The following PCDHGA5 variants were observed in gnomAD, a reference collection of about 807,000 sequenced individuals.
The protein encoded by PCDHGA5 is protocadherin gamma-A5.
Under a neutral mutation model 56.7 loss-of-function variants are expected in PCDHGA5, and 36 were observed. That is an observed-to-expected ratio of 0.64 (90% CI 0.49 to 0.84). PCDHGA5 has a LOEUF of 0.84. PCDHGA5 is among the 40% of genes least tolerant of loss of function. The pLI is 0.00. For missense variants in PCDHGA5, 1,305 were observed against 1,201.5 expected (o/e 1.09, Z -1.27); for synonymous variants, 563 against 520.2 (o/e 1.08, Z -1.12).
At chr5:141,376,259 C>T (rs2150078832) in intron 1 of PCDHGA5, 1 of 1,614,236 alleles carries the variant, frequency 6.2e-7, no homozygotes, top group African/African-American at 1.3e-5. Context: ...ACGCCTGCTG[C>T]AGGCTTCGGG....
rs372466798 is a variant in PCDHGA5 at position 141,413,407 on chromosome 5, C to T, written c.2421+46656C>T. On this transcript the variant is annotated intron_variant, in intron 1 of 3. Transcript: ENST00000518069. ...CATAGTCTCCAGAGGTAGGACGCAG[C>T]TTTTCTCTCTGAACCCGCGCAGCGG... The T allele has an allele frequency of 6.2e-7, 1 of 1,614,044 alleles. No individual in the cohort carries two copies. The highest frequency in any genetic ancestry group is 8.5e-7 in the Non-Finnish European group (1 of 1,179,938).
intron 1 of PCDHGA5, chr5:141,371,519 T>C (rs1767815270): frequency 3.1e-6 from 5 of 1,613,838 alleles, no homozygotes; most frequent in Middle Eastern, 1.6e-4. Context: ...ATGATCTAGA[T>C]TCTGGATTTA....
intron 1 of PCDHGA5, chr5:141,392,827 A>G: frequency 2.5e-6 from 4 of 1,601,944 alleles, no homozygotes; most frequent in Non-Finnish European, 3.4e-6. Flanking sequence ...GCCGCTCCAC[A>G]GAGTCGCCCC....
intron 1 of PCDHGA5, chr5:141,394,190 G>T (rs1370592594): frequency 1.2e-6 from 2 of 1,613,684 alleles, no homozygotes; most frequent in Non-Finnish European, 1.7e-6. Flanking sequence ...CCTACTCAGC[G>T]TATATCCTAG....
intron 1 of PCDHGA5, chr5:141,372,877 A>G: frequency 1.6e-6 from 2 of 1,270,298 alleles, no homozygotes; most frequent in Non-Finnish European, 2.1e-6. Flanking sequence ...TAGAGATAAA[A>G]AGAATACAGA....
intron 1 of PCDHGA5, among the ~76,000 whole-genome samples, chr5:141,381,833 T>C (rs1385600494): frequency 7.2e-5 from 10 of 138,622 alleles, no homozygotes; most frequent in African/African-American, 2.5e-4. Context: ...CTTCTTTTTT[T>C]TTTTTTTTTT....
intron 1 of PCDHGA5, chr5:141,395,077 A>T: frequency 6.2e-7 from 1 of 1,614,142 alleles, no homozygotes; most frequent in Non-Finnish European, 8.5e-7. Flanking sequence ...ACCTATTCCC[A>T]GGAAGTCTCC....
At chr5:141,483,648 TTGTGTGTGTG>T (rs111458813) in intron 1 of PCDHGA5, among the ~76,000 whole-genome samples, 35 of 149,708 alleles carry the variant, frequency 2.3e-4, no homozygotes, top group Non-Finnish European at 4.6e-4. Flanking sequence ...GGGTGTGTGT[TTGTGTGTGTG>T]TGTGTGTGTG....
chr5:141,413,809 C>G, intron 1 of PCDHGA5: 1 of 1,613,188 alleles, frequency 6.2e-7, no homozygotes. Flanking sequence ...AGAGGCCATT[C>G]ACCACCTGGT....
At chr5:141,469,081 A>C (rs1451214440) in intron 1 of PCDHGA5, among the ~76,000 whole-genome samples, 1 of 151,790 alleles carries the variant, frequency 6.6e-6, no homozygotes, top group Non-Finnish European at 1.5e-5. Context: ...GTTTGAGACC[A>C]TTCTAGGCAA....
intron 1 of PCDHGA5, among the ~76,000 whole-genome samples, chr5:141,368,602 G>T (rs992972372): frequency 1.3e-5 from 2 of 152,100 alleles, no homozygotes; most frequent in African/African-American, 4.8e-5. Context: ...AAAAGTAAAG[G>T]TTATAGATTT....
chr5:141,473,850 G>A (rs1490458424), intron 1 of PCDHGA5, among the ~76,000 whole-genome samples: 1 of 152,184 alleles, frequency 6.6e-6, no homozygotes, highest in African/African-American at 2.4e-5. Flanking sequence ...TTAGGAAGAT[G>A]AACCTCGCTA....
In PCDHGA5 at chr5:141,394,836, T is replaced by G. The variant is rs116789057; in HGVS notation, c.2421+28085T>G. On this transcript the variant is annotated intron_variant, in intron 1 of 3. Transcript: ENST00000518069. Reference sequence around the variant, plus strand: ...CAGCATCCCCGAAGTCCTGACCGAGTTGGGCAGTCTGAAGCCTTCGGTCGA... The same window carrying G: ...CAGCATCCCCGAAGTCCTGACCGAGGTGGGCAGTCTGAAGCCTTCGGTCGA... 1,507 of 1,613,748 alleles carry G rather than the reference T, an allele frequency of 9.3e-4. 9 individuals carry two copies. The African/African-American group carries it at 0.016, about 17-fold the overall frequency.
chr5:141,365,446 T>C lies in PCDHGA5; in HGVS notation c.1116T>C (p.His372=). The C allele has an allele frequency of 6.2e-7, 1 of 1,614,030 alleles. No homozygotes were observed. The highest frequency in any genetic ancestry group is 8.5e-7 in the Non-Finnish European group (1 of 1,179,890). ...CTGTAATCGCGCTGTTTAGCGTACATGATGGTGATTCTGGAGAAAATGGTG... is the reference window on the plus strand; with the variant it reads ...CTGTAATCGCGCTGTTTAGCGTACACGATGGTGATTCTGGAGAAAATGGTG... The part of the protein sequence containing the change: ...PGTVIALFSV[H]DGDSGENGEI... Residue 372 remains histidine, a synonymous_variant, in exon 1 of 4, where the codon CAT becomes CAC. Coordinates refer to ENST00000518069, the MANE Select transcript of PCDHGA5 (RefSeq NM_018918.3).
chr5:141,487,688 G>T lies in PCDHGA5; in HGVS notation c.2422-7119G>T, dbSNP rs376927186. ...AGGCATATGGCTAGGCCATGTCCTAGAGAGTACTGGCCTCTCAGTAAGTGC... is the reference window on the plus strand; with the variant it reads ...AGGCATATGGCTAGGCCATGTCCTATAGAGTACTGGCCTCTCAGTAAGTGC... On this transcript the variant is annotated intron_variant, in intron 1 of 3. Coordinates refer to ENST00000518069, the MANE Select transcript of PCDHGA5 (RefSeq NM_018918.3). The surrounding 1 kb of genome is among the most constrained non-coding windows in gnomAD (Gnocchi z 5.0). 1.2e-6 allele frequency: 2 copies of T among 1,604,966 alleles called. No individual in the cohort carries two copies.
intron 1 of PCDHGA5, chr5:141,393,991 A>C (rs2092893166): frequency 6.2e-7 from 1 of 1,613,604 alleles, no homozygotes; most frequent in East Asian, 2.2e-5. Flanking sequence ...TTACCTTTTA[A>C]ATTAGAAAAG....
At position 141,470,874 on chromosome 5, in the gene PCDHGA5, T is replaced by G. The variant is rs146599745; in HGVS notation, c.2422-23933T>G. ...AGATAAGTTTTTTGTTTGTTTGTTT[T>G]TTTGTTTTTGTTTTTGTTTTTTGTA... On this transcript the variant is annotated intron_variant, in intron 1 of 3. Coordinates refer to ENST00000518069, the MANE Select transcript of PCDHGA5 (RefSeq NM_018918.3). 1.4e-3 allele frequency among the ~76,000 whole-genome samples: 218 copies of G among 151,820 alleles called. 1 individual carries two copies. Among genetic ancestry groups the G allele is most frequent in the Middle Eastern group, 0.01 (3 of 294 alleles).
intron 1 of PCDHGA5, chr5:141,390,391 T>C: frequency 7.1e-7 from 1 of 1,399,002 alleles, no homozygotes; most frequent in Non-Finnish European, 9.8e-7. Flanking sequence ...ATGTCATGGA[T>C]CATTTTAGGA....
rs1036281905 is a variant in PCDHGA5 at position 141,493,555 on chromosome 5, T to A, written c.2422-1252T>A. Among the ~76,000 whole-genome samples, 3 of 152,012 alleles carry A rather than the reference T, an allele frequency of 2.0e-5. No individual in the cohort carries two copies. ...GCCAGTTATCCTTTTGGAGATTGAG[T>A]TCCCCCAGCTCCGTTTCCTCCTATC... On this transcript the variant is annotated intron_variant, in intron 1 of 3. Transcript: ENST00000518069. The surrounding 1 kb of genome is among the most constrained non-coding windows in gnomAD (Gnocchi z 4.3).
Sources: allele counts gnomAD v4.1 joint callset (sites outside exome capture counted in the v4.1 genomes callset), GRCh38; gene constraint gnomAD v4.1.1; non-coding constraint Gnocchi (gnomAD v3.1); transcripts MANE v1.5; gene names NCBI Gene and HGNC (gene_info 2026-07-23, HGNC 2026-07-21).